Variants in FAM227B observed in about 807,000 individuals in gnomAD.
FAM227B encodes the protein protein FAM227B.
FAM227B carries 88 observed loss-of-function variants against 73.8 expected under a neutral mutation model. The ratio of observed to expected loss-of-function variants is 1.19; its 90% CI spans 1.00 to 1.42. The LOEUF is 1.42. FAM227B is among the 40% of genes most tolerant of loss of function. The probability of loss-of-function intolerance (pLI) is 0.00; values close to 1 mark genes in which losing one functional copy is unlikely to be tolerated. For synonymous variants in FAM227B, 210 were observed against 190.5 expected, an observed-to-expected ratio of 1.10 and a Z score of -0.84; for missense variants, 632 against 590.9, an observed-to-expected ratio of 1.07 and a Z score of -0.72.
intron 11 of FAM227B, among the ~76,000 whole-genome samples, chr15:49,503,728 A>G (rs2058344593): frequency 6.6e-6 from 1 of 152,218 alleles, no homozygotes; most frequent in African/African-American, 2.4e-5. Flanking sequence ...ACAATGAGAT[A>G]CCATCTCACA....
At chr15:49,617,997 A>C (rs2078407541) in intron 1 of FAM227B, among the ~76,000 whole-genome samples, 1 of 152,162 alleles carries the variant, frequency 6.6e-6, no homozygotes, top group Non-Finnish European at 1.5e-5. Context: ...AGCAGTGTAG[A>C]GTCTTCTCCC....
intron 10 of FAM227B, among the ~76,000 whole-genome samples, chr15:49,518,443 CT>C (rs550438765): frequency 2.0e-5 from 3 of 152,062 alleles, no homozygotes; most frequent in South Asian, 2.1e-4. Flanking sequence ...CAATTTCATA[CT>C]GCTATGAAGA....
intron 3 of FAM227B, among the ~76,000 whole-genome samples, chr15:49,594,707 T>C (rs2076791125): frequency 6.6e-6 from 1 of 152,182 alleles, no homozygotes; most frequent in South Asian, 2.1e-4. Context: ...TATGCTTTTG[T>C]TTGCTTTGTT....
chr15:49,517,553 T>C (rs775218052), intron 10 of FAM227B, among the ~76,000 whole-genome samples: 19 of 152,170 alleles, frequency 1.2e-4, no homozygotes, highest in Non-Finnish European at 2.4e-4. Flanking sequence ...TGATTCTTGA[T>C]GGATATAAAC....
At chr15:49,363,254 A>G (rs1293656413) in intron 13 of FAM227B, among the ~76,000 whole-genome samples, 1 of 152,172 alleles carries the variant, frequency 6.6e-6, no homozygotes, top group Admixed American at 6.5e-5. Context: ...TATATCCACA[A>G]TCATTGAATG....
rs1362063414 is a variant in FAM227B at position 49,395,852 on chromosome 15, G to A, written c.1013-24453C>T. ...AGAGTTAAACTCAACACATTCAAAG[G>A]ATAGAATTGAATCTCTCTAAATTTT... On this transcript the variant is annotated intron_variant, in intron 11 of 15. Coordinates refer to ENST00000299338, the MANE Select transcript of FAM227B (RefSeq NM_152647.3). The A allele has an allele frequency of 3.4e-5, 15 of 441,408 alleles. No homozygotes were observed. The East Asian group carries it at 9.8e-4, about 29-fold the overall frequency. The allele number at this position is 441,408 out of a possible 1,614,324, so 27.3% of individuals were successfully genotyped here.
At chr15:49,541,229 A>G (rs973413918) in intron 10 of FAM227B, among the ~76,000 whole-genome samples, 2 of 152,164 alleles carry the variant, frequency 1.3e-5, no homozygotes, top group East Asian at 1.9e-4. Context: ...TAGCTTTTCA[A>G]TCCTACCATT....
intron 11 of FAM227B, among the ~76,000 whole-genome samples, chr15:49,467,110 T>C (rs2054331021): frequency 6.6e-6 from 1 of 152,158 alleles, no homozygotes; most frequent in African/African-American, 2.4e-5. Context: ...ATTATATATC[T>C]ACTGGATGGT....
chr15:49,587,003 T>A (rs532916991), intron 5 of FAM227B, among the ~76,000 whole-genome samples: 1 of 151,964 alleles, frequency 6.6e-6, no homozygotes, highest in South Asian at 2.1e-4. Context: ...GGAATATATA[T>A]CATTCTACCA....
intron 11 of FAM227B, among the ~76,000 whole-genome samples, chr15:49,437,391 T>C (rs1394396857): frequency 6.6e-6 from 1 of 151,652 alleles, no homozygotes; most frequent in African/African-American, 2.4e-5. Flanking sequence ...GTTCTTTCTT[T>C]TGTCCATGTC....
chr15:49,598,400 C>G (rs2077004232), intron 3 of FAM227B, among the ~76,000 whole-genome samples: 1 of 151,950 alleles, frequency 6.6e-6, no homozygotes, highest in South Asian at 2.1e-4. Flanking sequence ...ATGTTATCTG[C>G]AAGAGACAAT....
chr15:49,459,219 C>A (rs1001312157), intron 11 of FAM227B, among the ~76,000 whole-genome samples: 1 of 152,072 alleles, frequency 6.6e-6, no homozygotes, highest in African/African-American at 2.4e-5. Context: ...GCTGTCCTGG[C>A]CAGAGGAGGA....
chr15:49,368,349 T>C (rs1381073735), intron 12 of FAM227B, among the ~76,000 whole-genome samples: 2 of 152,198 alleles, frequency 1.3e-5, no homozygotes, highest in Non-Finnish European at 2.9e-5. Flanking sequence ...AGATTTTTTA[T>C]TGATTCCACT....
chr15:49,330,367 T>C (rs1397164989), intron 15 of FAM227B: 3 of 152,194 alleles, frequency 2.0e-5, no homozygotes, highest in African/African-American at 7.2e-5. Flanking sequence ...TGCAGATGTA[T>C]ATAGTTTGGC....
intron 11 of FAM227B, among the ~76,000 whole-genome samples, chr15:49,471,255 G>A (rs911593968): frequency 2.5e-5 from 1 of 40,512 alleles, no homozygotes; most frequent in Non-Finnish European, 8.7e-5. Flanking sequence ...GGAGGCCGAG[G>A]TGGGTGGATC....
At chr15:49,617,846 T>C (rs1039808217) in intron 1 of FAM227B, among the ~76,000 whole-genome samples, 1 of 151,952 alleles carries the variant, frequency 6.6e-6, no homozygotes, top group African/African-American at 2.4e-5. Flanking sequence ...GTAAATTTAC[T>C]TGTGTAACAA....
intron 11 of FAM227B, among the ~76,000 whole-genome samples, chr15:49,438,546 G>T (rs555278997): frequency 1.5e-4 from 23 of 151,522 alleles, no homozygotes; most frequent in African/African-American, 5.3e-4. Flanking sequence ...GCATTATTTT[G>T]TATAAATATT....
intron 10 of FAM227B, among the ~76,000 whole-genome samples, chr15:49,514,597 T>C (rs1232817972): frequency 2.0e-5 from 3 of 152,130 alleles, no homozygotes; most frequent in Non-Finnish European, 2.9e-5. Context: ...CATTTTTAAA[T>C]TGAGATGTTT....
chr15:49,494,621 G>A (rs1385129335), intron 11 of FAM227B, among the ~76,000 whole-genome samples: 2 of 152,012 alleles, frequency 1.3e-5, no homozygotes, highest in Non-Finnish European at 2.9e-5. Context: ...CCAGTCTAGA[G>A]GTGTATGGTA....
Sources: gnomAD v4.1 joint callset for allele counts (sites outside exome capture counted in the v4.1 genomes callset) on GRCh38, gnomAD v4.1.1 for gene constraint, MANE v1.5 for transcripts, NCBI Gene and HGNC (gene_info 2026-07-23, HGNC 2026-07-21) for gene names.